CNTNAP2: variants seen among roughly 807,000 people sequenced by gnomAD.
The protein encoded by CNTNAP2 is contactin associated protein 2.
CNTNAP2 carries 98 observed loss-of-function variants against 155.2 expected under a neutral mutation model. The ratio of observed to expected loss-of-function variants is 0.63; its 90% CI spans 0.54 to 0.75. The LOEUF is 0.75. CNTNAP2 is among the 30% of genes least tolerant of loss of function. The pLI, the probability that CNTNAP2 is intolerant of heterozygous loss-of-function variation, is 0.00. For missense variants in CNTNAP2, 1,727 were observed against 1,688.1 expected (o/e 1.02, Z -0.40); for synonymous variants, 651 against 631.2 (o/e 1.03, Z -0.47).
rs201637829 is a variant in CNTNAP2, at chr7:148,117,717, GC to G, written c.2384-400del. 4.0e-3 allele frequency among the ~76,000 whole-genome samples: 612 copies of G among 152,064 alleles called. 2 individuals carry two copies. The highest frequency in any genetic ancestry group is 0.017 in the Middle Eastern group (5 of 294). On this transcript the variant is annotated intron_variant, in intron 15 of 23. Transcript: ENST00000361727. ...CTTCTCCCAATTGTTGTGTCTATTG[GC>G]ATTTACTTCTTAGAGTCCCATAGGA...
intron 13 of CNTNAP2, among the ~76,000 whole-genome samples, chr7:147,807,366 G>GGAGGAAAT (rs1283057510): frequency 6.7e-6 from 1 of 148,768 alleles, no homozygotes; most frequent in African/African-American, 2.5e-5. Flanking sequence ...AAAAAGAAGA[G>GGAGGAAAT]GAGGAAATGA....
chr7:146,568,807 C>T (rs1272298014), intron 1 of CNTNAP2, among the ~76,000 whole-genome samples: 4 of 152,102 alleles, frequency 2.6e-5, no homozygotes, highest in Admixed American at 6.5e-5. Flanking sequence ...GTGTTTGAAA[C>T]CTGGTTCCCA....
chr7:146,696,620 T>G (rs1475209428), intron 1 of CNTNAP2, among the ~76,000 whole-genome samples: 7 of 152,166 alleles, frequency 4.6e-5, no homozygotes, highest in Admixed American at 4.6e-4. Context: ...AAACTTTTAT[T>G]TATTTTAGAT....
chr7:146,688,770 A>G (rs1052353915), intron 1 of CNTNAP2, among the ~76,000 whole-genome samples: 10 of 152,130 alleles, frequency 6.6e-5, no homozygotes, highest in African/African-American at 2.4e-4. Flanking sequence ...ACACATACCA[A>G]TTGGAGAATG....
chr7:147,113,362 T>G lies in CNTNAP2; in HGVS notation c.754+5012T>G, dbSNP rs6978487. ...TTCTTTATTATTCTAGCTAATGGAC[T>G]ATTTTATTAATTATTTCAAAAAACC... On this transcript the variant is annotated intron_variant, in intron 5 of 23. Transcript: ENST00000361727. Among the ~76,000 whole-genome samples, 1,416 of 152,142 alleles carry G rather than the reference T, an allele frequency of 9.3e-3. 25 individuals are homozygous for G. Among genetic ancestry groups the G allele is most frequent in the African/African-American group, 0.032 (1,345 of 41,484 alleles).
At chr7:146,686,449 T>TTGGTA (rs1235271674) in intron 1 of CNTNAP2, among the ~76,000 whole-genome samples, 1 of 152,166 alleles carries the variant, frequency 6.6e-6, no homozygotes, top group Non-Finnish European at 1.5e-5. Context: ...CTTCTCCAGT[T>TTGGTA]ACCAACAAAT....
chr7:146,888,034 A>T (rs939698298), intron 3 of CNTNAP2, among the ~76,000 whole-genome samples: 1 of 152,166 alleles, frequency 6.6e-6, no homozygotes, highest in Non-Finnish European at 1.5e-5. Flanking sequence ...TTATTTACTT[A>T]GAAAATCTAG....
chr7:147,640,735 A>G (rs1584873987), intron 13 of CNTNAP2, among the ~76,000 whole-genome samples: 1 of 147,788 alleles, frequency 6.8e-6, no homozygotes, highest in African/African-American at 2.4e-5. Context: ...AACAGGCAAG[A>G]AAGAAGGAAG....
At chr7:147,622,957 A>C (rs1794894440) in intron 12 of CNTNAP2, among the ~76,000 whole-genome samples, 1 of 152,052 alleles carries the variant, frequency 6.6e-6, no homozygotes, top group South Asian at 2.1e-4. Flanking sequence ...CACAGAAATT[A>C]AAAGGATTAT....
At chr7:147,724,151 C>A (rs559008049) in intron 13 of CNTNAP2, among the ~76,000 whole-genome samples, 12 of 151,958 alleles carry the variant, frequency 7.9e-5, no homozygotes, top group African/African-American at 2.9e-4. Context: ...TAGTTTATTA[C>A]GTTCAAAAAA....
Position 147,300,301 on chromosome 7 carries a change from C to T in CNTNAP2, c.1498+11C>T. On this transcript the variant is annotated intron_variant, in intron 9 of 23. Coordinates refer to ENST00000361727, the MANE Select transcript of CNTNAP2 (RefSeq NM_014141.6). ...AGTACTTTTTTGGAGGTAAGAATGCCATTCCTTTTTGGTTACTAATCCATT... is the reference window on the plus strand; with the variant it reads ...AGTACTTTTTTGGAGGTAAGAATGCTATTCCTTTTTGGTTACTAATCCATT... 1 of 1,613,586 alleles carries T rather than the reference C, an allele frequency of 6.2e-7. No individual in the cohort carries two copies. The highest frequency in any genetic ancestry group is 8.5e-7 in the Non-Finnish European group (1 of 1,179,738).
intron 15 of CNTNAP2, among the ~76,000 whole-genome samples, chr7:147,978,792 G>A (rs11768090): frequency 0.034 from 5,189 of 152,142 alleles, 152 homozygotes; most frequent in South Asian, 0.13. Context: ...ATGCTTTTGT[G>A]ATTGTGTGCT....
intron 14 of CNTNAP2, among the ~76,000 whole-genome samples, chr7:147,972,918 A>C (rs925486201): frequency 2.0e-5 from 3 of 152,094 alleles, no homozygotes; most frequent in Non-Finnish European, 2.9e-5. Context: ...GAGGCTAGGC[A>C]CAGTGGTTCA....
At chr7:148,199,865 A>G (rs537266659) in intron 18 of CNTNAP2, among the ~76,000 whole-genome samples, 1 of 152,342 alleles carries the variant, frequency 6.6e-6, no homozygotes, top group South Asian at 2.1e-4. Flanking sequence ...CTGGAGAACC[A>G]GGAAAGCCAC....
intron 8 of CNTNAP2, among the ~76,000 whole-genome samples, chr7:147,291,657 G>A (rs1460228247): frequency 6.6e-6 from 1 of 152,080 alleles, no homozygotes; most frequent in Non-Finnish European, 1.5e-5. Flanking sequence ...ATATACTTAG[G>A]AGGGGGATTG....
In CNTNAP2 at chr7:146,185,749, C is replaced by A. The variant is rs1279718202; in HGVS notation, c.97+68776C>A. On this transcript the variant is annotated intron_variant, in intron 1 of 23. Coordinates refer to ENST00000361727, the MANE Select transcript of CNTNAP2 (RefSeq NM_014141.6). ...TTAAATATTATTTTCAGGGAGTGAA[C>A]TTTTTATTATTCTTTTTTTTTTTTT... is the stretch of plus-strand genomic sequence containing the variant. Among the ~76,000 whole-genome samples, 6 of 144,848 alleles carry A rather than the reference C, an allele frequency of 4.1e-5. No homozygotes were observed. In the East Asian group the frequency reaches 1.2e-3, roughly 29 times the overall value.
chr7:148,346,572 G>A (rs759365996), intron 21 of CNTNAP2, among the ~76,000 whole-genome samples: 3,454 of 152,056 alleles, frequency 0.023, 44 homozygotes, highest in African/African-American at 0.043. Context: ...AGGAGTTCGA[G>A]ACCAGCCCGG....
intron 13 of CNTNAP2, among the ~76,000 whole-genome samples, chr7:147,867,605 CT>C (rs1177063726): frequency 6.6e-6 from 1 of 152,168 alleles, no homozygotes; most frequent in African/African-American, 2.4e-5. Context: ...TAGATTTGGT[CT>C]TTTCACATAG....
At position 147,642,733 on chromosome 7, in the gene CNTNAP2, T is replaced by C. The variant is rs575832391; in HGVS notation, c.2098+3427T>C. Among the ~76,000 whole-genome samples, 22 of 152,334 alleles carry C rather than the reference T, an allele frequency of 1.4e-4. 1 individual carries two copies. In the South Asian group the frequency reaches 4.3e-3, roughly 30 times the overall value. On this transcript the variant is annotated intron_variant, in intron 13 of 23. Transcript: ENST00000361727. The stretch of plus-strand genomic sequence containing the variant: ...AACAGTAAATATATCACTTTCTTTG[T>C]ATTTCTAGACATCTAGACACTGGGT...
Sources: allele counts gnomAD v4.1 joint callset (sites outside exome capture counted in the v4.1 genomes callset), GRCh38; gene constraint gnomAD v4.1.1; transcripts MANE v1.5; gene names NCBI Gene and HGNC (gene_info 2026-07-23, HGNC 2026-07-21).